The following BCL7C variants were observed in gnomAD, a reference collection of about 807,000 sequenced individuals.
The protein encoded by BCL7C is B-cell CLL/lymphoma 7 protein family member C.
A neutral mutation model predicts 26.2 loss-of-function variants in BCL7C; 8 were observed. The ratio of observed to expected loss-of-function variants is 0.30; its 90% CI spans 0.18 to 0.55. BCL7C has a LOEUF of 0.55. Among genes scored for constraint, BCL7C ranks in the 20% least tolerant of loss-of-function variants. The probability of loss-of-function intolerance (pLI) is 0.93; values close to 1 mark genes in which losing one functional copy is unlikely to be tolerated. For missense variants in BCL7C, 262 were observed against 298.5 expected, an observed-to-expected ratio of 0.88 and a Z score of 0.90; for synonymous variants, 90 against 116.5, an observed-to-expected ratio of 0.77 and a Z score of 1.47.
At chr16:30,887,134 C>A (rs1405484107), downstream of BCL7C, among the ~76,000 whole-genome samples, 2 of 152,072 alleles carry the variant, frequency 1.3e-5, no homozygotes, top group Non-Finnish European at 2.9e-5. Flanking sequence ...CATGGCAAAA[C>A]CCAGTCTCTA....
At chr16:30,888,095 G>A (rs911815302) in intron 5 of BCL7C, 105 bp from the exon 6 acceptor site, 9 of 1,247,866 alleles carry the variant, frequency 7.2e-6, no homozygotes, top group South Asian at 1.5e-5. Context: ...TCCTGGGCCC[G>A]GGAGGCAAGC....
At chr16:30,852,489 C>CTTTT (rs1286491720) in intron 5 of BCL7C, among the ~76,000 whole-genome samples, 4 of 136,904 alleles carry the variant, frequency 2.9e-5, no homozygotes, top group Admixed American at 7.4e-5. Flanking sequence ...AACTTTATAA[C>CTTTT]TTTTTTTTTT....
At position 30,892,570 on chromosome 16, in the gene BCL7C, A is replaced by G. The variant is rs1290617371; in HGVS notation, c.442+16T>C. On this transcript the variant is annotated intron_variant, in intron 4 of 5. Coordinates refer to ENST00000215115, the MANE Select transcript of BCL7C (RefSeq NM_004765.4). ...GGACTTAGAGGAGAGAGCTCCTGGGAGGTACCTGGTCCTACCTCTCTCTTG... is the reference window on the plus strand; with the variant it reads ...GGACTTAGAGGAGAGAGCTCCTGGGGGGTACCTGGTCCTACCTCTCTCTTG... 4 of 1,536,328 alleles carry G rather than the reference A, an allele frequency of 2.6e-6. No individual in the cohort carries two copies. Among genetic ancestry groups the G allele is most frequent in the Non-Finnish European group, 3.5e-6 (4 of 1,148,176 alleles).
chr16:30,869,716 G>A (rs2054866993), intron 5 of BCL7C, among the ~76,000 whole-genome samples: 1 of 150,798 alleles, frequency 6.6e-6, no homozygotes, highest in South Asian at 2.1e-4. Flanking sequence ...TCTCGCTATG[G>A]TGCCCAACCT....
At chr16:30,871,379 TTCTCA>T (rs1477416805) in intron 5 of BCL7C, among the ~76,000 whole-genome samples, 1 of 152,188 alleles carries the variant, frequency 6.6e-6, no homozygotes, top group Admixed American at 6.5e-5. Flanking sequence ...TGCCTTGCTT[TTCTCA>T]TCTGTCAAGT....
At chr16:30,879,702 A>AAAAAAAAAAAAC (rs751856538) in intron 5 of BCL7C, among the ~76,000 whole-genome samples, 6 of 145,472 alleles carry the variant, frequency 4.1e-5, no homozygotes, top group Non-Finnish European at 9.1e-5. Context: ...AAAAAAAAAA[A>AAAAAAAAAAAAC]AAAAAAACTG....
At chr16:30,880,609 C>T (rs929404718) in intron 5 of BCL7C, among the ~76,000 whole-genome samples, 8 of 151,218 alleles carry the variant, frequency 5.3e-5, no homozygotes, top group African/African-American at 1.2e-4. Context: ...AAGGGGGCAA[C>T]GGGAACTTTC....
chr16:30,888,823 C>T, intron 5 of BCL7C, 37 bp downstream of exon 5: 1 of 1,605,000 alleles, frequency 6.2e-7, no homozygotes, highest in Non-Finnish European at 8.5e-7. Flanking sequence ...CCCATTCCCT[C>T]CAAGACCCAG....
At chr16:30,865,200 T>C (rs62058574) in intron 5 of BCL7C, among the ~76,000 whole-genome samples, 1 of 151,202 alleles carries the variant, frequency 6.6e-6, no homozygotes, top group Non-Finnish European at 1.5e-5. Flanking sequence ...AAAAGTACTT[T>C]GTAATACTCT....
chr16:30,865,823 T>C (rs1172841177), intron 5 of BCL7C, among the ~76,000 whole-genome samples: 1 of 149,798 alleles, frequency 6.7e-6, no homozygotes, highest in African/African-American at 2.5e-5. Flanking sequence ...ACCTCCCAGG[T>C]TCAAGCGATT....
In BCL7C at chr16:30,869,509, CTT is replaced by C. The variant is rs66513735; in HGVS notation, c.528+19349_528+19350del. On this transcript the variant is annotated intron_variant, in intron 5 of 5. Coordinates refer to the BCL7C transcript ENST00000380317. The stretch of plus-strand genomic sequence containing the variant: ...TGTGAGCCACCACGCCTGGCTCTTT[CTT>C]TTTTTTTTTTTTTTTAAAGAGACGG... Among the ~76,000 whole-genome samples, 498 of 135,282 alleles carry C rather than the reference CTT, an allele frequency of 3.7e-3. 1 individual carries two copies. Among genetic ancestry groups the C allele is most frequent in the Middle Eastern group, 0.012 (3 of 260 alleles). The allele number at this position is 135,282 out of a possible 152,430, so 88.8% of individuals were successfully genotyped here. A position where few individuals can be genotyped will look rare whatever the true frequency, so the allele number is the denominator to read the frequency against.
exon 6 of BCL7C, chr16:30,833,702 A>T (rs1213995208): frequency 6.6e-6 from 1 of 152,234 alleles, no homozygotes; most frequent in Non-Finnish European, 1.5e-5. Flanking sequence ...CATGGGCTGA[A>T]CCTAAAGCAT....
chr16:30,892,505 G>A, intron 4 of BCL7C, 81 bp downstream of exon 4: 1 of 1,424,748 alleles, frequency 7.0e-7, no homozygotes, highest in Non-Finnish European at 9.4e-7. Flanking sequence ...CGGGGAGCAG[G>A]TATAGGGATG....
chr16:30,842,987 T>G (rs1333540706), intron 5 of BCL7C, among the ~76,000 whole-genome samples: 4 of 152,322 alleles, frequency 2.6e-5, no homozygotes, highest in Non-Finnish European at 5.9e-5. Flanking sequence ...AAGTCTGTTT[T>G]TTAAAAAAAG....
At chr16:30,885,861 G>C (rs769408099), downstream of BCL7C, among the ~76,000 whole-genome samples, 1 of 152,104 alleles carries the variant, frequency 6.6e-6, no homozygotes, top group Non-Finnish European at 1.5e-5. Context: ...CATTTCCTTT[G>C]TTTGTTTAGA....
intron 5 of BCL7C, among the ~76,000 whole-genome samples, chr16:30,841,308 G>C (rs911452807): frequency 6.6e-6 from 1 of 152,190 alleles, no homozygotes; most frequent in Non-Finnish European, 1.5e-5. Flanking sequence ...GAATGTGACT[G>C]TATTTGGAGA....
intron 5 of BCL7C, among the ~76,000 whole-genome samples, chr16:30,842,688 C>A (rs1454124272): frequency 6.6e-6 from 1 of 152,100 alleles, no homozygotes; most frequent in Non-Finnish European, 1.5e-5. Flanking sequence ...CCTGCCTCAG[C>A]CTCCCGAGTA....
chr16:30,842,258 C>A (rs1268362542), intron 5 of BCL7C, among the ~76,000 whole-genome samples: 1 of 152,124 alleles, frequency 6.6e-6, no homozygotes, highest in Non-Finnish European at 1.5e-5. Context: ...ATGAGAGAGG[C>A]CTCAGAAGAA....
rs1187827463 is a variant in BCL7C at position 30,879,689 on chromosome 16, C to CAAAAAAAAAAAAAAAAAAAAAAAAAAAA, written c.528+9170_528+9171insTTTTTTTTTTTTTTTTTTTTTTTTTTTT. 6.5e-4 allele frequency among the ~76,000 whole-genome samples: 19 copies of CAAAAAAAAAAAAAAAAAAAAAAAAAAAA among 29,402 alleles called. 6 individuals carry two copies. The South Asian group carries it at 0.011, about 17-fold the overall frequency. 19.3% of individuals were successfully genotyped at this position (29,402 alleles called of 152,430 possible). The stretch of plus-strand genomic sequence containing the variant: ...AACACAGAGAGACTCCCCTTCTCTA[C>CAAAAAAAAAAAAAAAAAAAAAAAAAAAA]AAAAAAAAAAAAAAAAAAAACTGGG... On this transcript the variant is annotated intron_variant, in intron 5 of 5. Coordinates refer to the BCL7C transcript ENST00000380317.
Sources: gnomAD v4.1 joint callset for allele counts (sites outside exome capture counted in the v4.1 genomes callset) on GRCh38, gnomAD v4.1.1 for gene constraint, MANE v1.5 for transcripts, NCBI Gene and HGNC (gene_info 2026-07-23, HGNC 2026-07-21) for gene names.